Variants in TRIP4 observed in about 807,000 individuals in gnomAD.
TRIP4 encodes the protein activating signal cointegrator 1.
Under a neutral mutation model 81.8 loss-of-function variants are expected in TRIP4, and 54 were observed. That is an observed-to-expected ratio of 0.66 (90% CI 0.53 to 0.83). The LOEUF is 0.83. TRIP4 is among the 40% of genes least tolerant of loss of function. The pLI is 0.00. For synonymous variants in TRIP4, 270 were observed against 242.8 expected (o/e 1.11, Z -1.04); for missense variants, 662 against 683.6 (o/e 0.97, Z 0.35).
At chr15:64,446,653 T>G (rs28627383) in intron 12 of TRIP4, among the ~76,000 whole-genome samples, 15 of 151,504 alleles carry the variant, frequency 9.9e-5, no homozygotes, top group Non-Finnish European at 2.1e-4. Flanking sequence ...CCGCCTGCCT[T>G]GGCCTCCCAA....
At chr15:64,443,276 G>A (rs1892559043) in intron 11 of TRIP4, among the ~76,000 whole-genome samples, 1 of 152,198 alleles carries the variant, frequency 6.6e-6, no homozygotes, top group Non-Finnish European at 1.5e-5. Context: ...GAATGTTTGT[G>A]TGTTAATAGG....
intron 12 of TRIP4, chr15:64,450,546 C>G: frequency 2.6e-6 from 1 of 390,316 alleles, no homozygotes; most frequent in Non-Finnish European, 5.2e-6. Flanking sequence ...ACCATCATTG[C>G]CCACAGCTGG....
chr15:64,397,923 C>T (rs1900341402), intron 4 of TRIP4, 105 bp downstream of exon 4: 19 of 1,282,724 alleles, frequency 1.5e-5, no homozygotes, highest in South Asian at 3.0e-5. Context: ...TTGGTTGAGA[C>T]GGAGTCTCAC....
intron 1 of TRIP4, among the ~76,000 whole-genome samples, chr15:64,392,006 C>T (rs62022712): frequency 0.11 from 15,225 of 137,558 alleles, 1,094 homozygotes; most frequent in Middle Eastern, 0.19. Flanking sequence ...CCAGGTGCAG[C>T]GGCTCAGCCT....
intron 9 of TRIP4, among the ~76,000 whole-genome samples, chr15:64,423,132 A>G (rs1892056437): frequency 6.6e-6 from 1 of 152,202 alleles, no homozygotes; most frequent in Non-Finnish European, 1.5e-5. Flanking sequence ...CTAGTCCACA[A>G]GTTGTTTAAT....
intron 11 of TRIP4, among the ~76,000 whole-genome samples, chr15:64,442,687 T>C (rs1393107086): frequency 6.6e-6 from 1 of 150,956 alleles, no homozygotes; most frequent in Non-Finnish European, 1.5e-5. Flanking sequence ...TACAGATAGA[T>C]CAATTAAGAT....
chr15:64,407,366 T>C (rs937330735), intron 6 of TRIP4, among the ~76,000 whole-genome samples: 1 of 152,074 alleles, frequency 6.6e-6, no homozygotes, highest in African/African-American at 2.4e-5. Flanking sequence ...GTAGAACGTA[T>C]TATTAGAAAT....
chr15:64,404,446 A>G (rs1328000364), intron 5 of TRIP4, among the ~76,000 whole-genome samples: 3 of 151,886 alleles, frequency 2.0e-5, no homozygotes, highest in Non-Finnish European at 4.4e-5. Flanking sequence ...TCAGCCTCCC[A>G]AGTAGCTGGG....
intron 10 of TRIP4, 137 bp downstream of exon 10, chr15:64,424,292 T>G: frequency 8.1e-7 from 1 of 1,235,714 alleles, no homozygotes; most frequent in Non-Finnish European, 1.1e-6. Flanking sequence ...TTTGTTTGTT[T>G]AGTGGTAAAT....
At chr15:64,393,041 A>G (rs1000952495) in intron 1 of TRIP4, among the ~76,000 whole-genome samples, 3 of 152,176 alleles carry the variant, frequency 2.0e-5, no homozygotes, top group Non-Finnish European at 4.4e-5. Flanking sequence ...ACAATTTCAT[A>G]ATTTTTAAAA....
At chr15:64,400,974 G>A (rs1202967307) in intron 5 of TRIP4, among the ~76,000 whole-genome samples, 153 bp downstream of exon 5, 1 of 150,302 alleles carries the variant, frequency 6.7e-6, no homozygotes, top group Non-Finnish European at 1.5e-5. Context: ...GTTTTGTTTT[G>A]TTTTGATGTG....
At position 64,431,847 on chromosome 15, in the gene TRIP4, A is replaced by ATATATATTTTTTT; in HGVS notation, c.1575+6217_1575+6218insATATATTTTTTTT. Among the ~76,000 whole-genome samples the ATATATATTTTTTT allele has an allele frequency of 2.1e-3, 257 of 119,542 alleles. 2 individuals carry two copies. Among genetic ancestry groups the ATATATATTTTTTT allele is most frequent in the Middle Eastern group, 0.014 (3 of 218 alleles). The allele number at this position is 119,542 out of a possible 152,430, so 78.4% of individuals were successfully genotyped here. ...CCATTTATATTATATATATATATAT[A>ATATATATTTTTTT]TTTTTTTTATCCAAAGAGCATTGTG... On this transcript the variant is annotated intron_variant, in intron 11 of 12. Transcript: ENST00000261884.
chr15:64,394,895 A>G (rs1459986371), intron 2 of TRIP4, among the ~76,000 whole-genome samples: 1 of 152,152 alleles, frequency 6.6e-6, no homozygotes, highest in Non-Finnish European at 1.5e-5. Flanking sequence ...CCCAGGCTGG[A>G]GTGATGTGGC....
Position 64,414,071 on chromosome 15 carries a change from G to A in TRIP4, c.1044-14G>A. ...CATTACCAATTGTTGCATCCTTTTGGTTTATTATCACAGACTAGATGAGAC... is the reference window on the plus strand; with the variant it reads ...CATTACCAATTGTTGCATCCTTTTGATTTATTATCACAGACTAGATGAGAC... On this transcript the variant is annotated splice_polypyrimidine_tract_variant and intron_variant, in intron 7 of 12. Coordinates refer to ENST00000261884, the MANE Select transcript of TRIP4 (RefSeq NM_016213.5). The A allele has an allele frequency of 6.2e-7, 1 of 1,613,028 alleles. No individual in the cohort carries two copies. The highest frequency in any genetic ancestry group is 8.5e-7 in the Non-Finnish European group (1 of 1,179,508).
chr15:64,410,206 A>G (rs1423403261), intron 7 of TRIP4, among the ~76,000 whole-genome samples: 14 of 151,940 alleles, frequency 9.2e-5, no homozygotes, highest in African/African-American at 2.7e-4. Flanking sequence ...TTGTATTTTT[A>G]GTAGAGACAG....
intron 1 of TRIP4, among the ~76,000 whole-genome samples, chr15:64,389,948 C>T (rs1050517269): frequency 4.7e-5 from 7 of 149,986 alleles, no homozygotes; most frequent in East Asian, 2.0e-4. Context: ...ATGATCCAAC[C>T]GCCTCAGCCT....
At chr15:64,413,981 T>G in intron 7 of TRIP4, 104 bp from the exon 8 acceptor site, 1 of 1,368,790 alleles carries the variant, frequency 7.3e-7, no homozygotes, top group Non-Finnish European at 1.0e-6. Context: ...AGACTCCTCT[T>G]TATATTCCAA....
chr15:64,439,197 C>G (rs1428101234), intron 11 of TRIP4, among the ~76,000 whole-genome samples: 1 of 152,150 alleles, frequency 6.6e-6, no homozygotes, highest in Non-Finnish European at 1.5e-5. Flanking sequence ...TCCTGTGACA[C>G]CTTGAATTGC....
intron 12 of TRIP4, among the ~76,000 whole-genome samples, chr15:64,454,665 A>C (rs1892846364): frequency 6.6e-6 from 1 of 152,174 alleles, no homozygotes; most frequent in Non-Finnish European, 1.5e-5. Context: ...GCCTGCCTTT[A>C]TTGCATGTGT....
Sources: gnomAD v4.1 joint callset for allele counts (sites outside exome capture counted in the v4.1 genomes callset) on GRCh38, gnomAD v4.1.1 for gene constraint, MANE v1.5 for transcripts, NCBI Gene and HGNC (gene_info 2026-07-23, HGNC 2026-07-21) for gene names.